Variants in ATP2B1 observed in about 807,000 individuals in gnomAD.
The protein encoded by ATP2B1 is ATPase plasma membrane Ca2+ transporting 1.
Under a neutral mutation model 124.2 loss-of-function variants are expected in ATP2B1, and 14 were observed. That is an observed-to-expected ratio of 0.11 (90% CI 0.07 to 0.18). The LOEUF is 0.18. Among genes scored for constraint, ATP2B1 ranks in the 10% least tolerant of loss-of-function variants. ATP2B1 has a pLI of 1.00. For missense variants in ATP2B1, 763 were observed against 1,466.1 expected, an observed-to-expected ratio of 0.52 and a Z score of 7.83; for synonymous variants, 449 against 492.4, an observed-to-expected ratio of 0.91 and a Z score of 1.17.
intron 20 of ATP2B1, among the ~76,000 whole-genome samples, chr12:89,597,826 A>G (rs557836518): frequency 1.3e-5 from 2 of 152,172 alleles, no homozygotes; most frequent in South Asian, 2.1e-4. Context: ...TTAGTCAATT[A>G]TTGAAAATTA....
intron 1 of ATP2B1, among the ~76,000 whole-genome samples, chr12:89,698,136 C>A (rs1053951107): frequency 4.6e-5 from 7 of 152,014 alleles, no homozygotes; most frequent in African/African-American, 1.7e-4. Flanking sequence ...TATCACCATT[C>A]TTCTTCCCAT....
At chr12:89,671,057 T>C (rs1887911367) in intron 1 of ATP2B1, among the ~76,000 whole-genome samples, 1 of 151,980 alleles carries the variant, frequency 6.6e-6, no homozygotes, top group Non-Finnish European at 1.5e-5. Flanking sequence ...TCATTATACA[T>C]TATATCAGGT....
At chr12:89,639,504 A>AAT (rs552054933) in intron 3 of ATP2B1, among the ~76,000 whole-genome samples, 4 of 151,312 alleles carry the variant, frequency 2.6e-5, no homozygotes, top group African/African-American at 9.7e-5. Context: ...ACTCTGTCTC[A>AAT]ATATATATAT....
chr12:89,612,985 G>T (rs770932964), intron 12 of ATP2B1, among the ~76,000 whole-genome samples: 2 of 151,858 alleles, frequency 1.3e-5, no homozygotes, highest in Admixed American at 1.3e-4. Flanking sequence ...TCCAGACAAG[G>T]TACTTTTTTT....
intron 12 of ATP2B1, among the ~76,000 whole-genome samples, chr12:89,615,836 G>A (rs1020869397): frequency 1.3e-5 from 2 of 151,966 alleles, no homozygotes; most frequent in African/African-American, 2.4e-5. Flanking sequence ...ATACATTCTC[G>A]ATTTTTTAAA....
At chr12:89,631,974 C>T (rs1259489919) in intron 5 of ATP2B1, among the ~76,000 whole-genome samples, 2 of 152,092 alleles carry the variant, frequency 1.3e-5, no homozygotes, top group African/African-American at 2.4e-5. Context: ...AGATTCAGTC[C>T]AGCTCTGTCA....
intron 18 of ATP2B1, among the ~76,000 whole-genome samples, chr12:89,601,935 T>C (rs1875932740): frequency 1.3e-5 from 2 of 152,170 alleles, no homozygotes; most frequent in Admixed American, 1.3e-4. Flanking sequence ...CATTTAGACA[T>C]ACTAAGATAA....
At chr12:89,640,300 A>G (rs752101882) in intron 3 of ATP2B1, among the ~76,000 whole-genome samples, 81 of 152,202 alleles carry the variant, frequency 5.3e-4, no homozygotes, top group Non-Finnish European at 1.0e-3. Flanking sequence ...ATTTAGCTCA[A>G]CAGTGACAAG....
chr12:89,659,749 C>T (rs1047622222), intron 1 of ATP2B1, among the ~76,000 whole-genome samples: 2 of 151,714 alleles, frequency 1.3e-5, no homozygotes, highest in Non-Finnish European at 2.9e-5. Context: ...GGTGAAACCC[C>T]GTCTCTACTA....
chr12:89,708,175 G>A (rs1469433689), intron 1 of ATP2B1, among the ~76,000 whole-genome samples: 3 of 152,250 alleles, frequency 2.0e-5, no homozygotes, highest in East Asian at 3.9e-4. Flanking sequence ...CCCGGGGCGC[G>A]GGGAGAGGGA....
At chr12:89,665,594 A>AC (rs1887219393) in intron 1 of ATP2B1, among the ~76,000 whole-genome samples, 1 of 152,248 alleles carries the variant, frequency 6.6e-6, no homozygotes, top group Non-Finnish European at 1.5e-5. Flanking sequence ...ATAAGAACAT[A>AC]CTATATCTCC....
chr12:89,696,233 A>T (rs1407755673), intron 1 of ATP2B1, among the ~76,000 whole-genome samples: 2 of 152,224 alleles, frequency 1.3e-5, no homozygotes, highest in South Asian at 4.1e-4. Flanking sequence ...CAGCAAGAAA[A>T]GACAGACTCC....
chr12:89,613,592 T>C (rs1878427512), intron 12 of ATP2B1, among the ~76,000 whole-genome samples: 1 of 152,212 alleles, frequency 6.6e-6, no homozygotes, highest in Admixed American at 6.5e-5. Flanking sequence ...TGTATATATC[T>C]CCTGTTATCT....
intron 2 of ATP2B1, among the ~76,000 whole-genome samples, chr12:89,643,093 T>C (rs12318371): frequency 0.049 from 5,358 of 110,010 alleles, 287 homozygotes; most frequent in African/African-American, 0.13. Flanking sequence ...CACACACACA[T>C]ATATACATAC....
intron 15 of ATP2B1, among the ~76,000 whole-genome samples, chr12:89,608,486 CTAAAT>C (rs1379094448): frequency 6.7e-6 from 1 of 150,216 alleles, no homozygotes; most frequent in African/African-American, 2.5e-5. Flanking sequence ...TGTTTTTGAA[CTAAAT>C]TTAGACTTTT....
intron 1 of ATP2B1, among the ~76,000 whole-genome samples, chr12:89,690,900 GA>G (rs1307815908): frequency 6.6e-5 from 10 of 152,194 alleles, no homozygotes; most frequent in African/African-American, 2.4e-4. Context: ...TCAATATTTA[GA>G]ATCAATAAGA....
upstream of ATP2B1, chr12:89,708,846 CGGCGGCGGCAGCGAAGGAGGAGGA>C (rs1434852606): frequency 1.3e-5 from 2 of 151,992 alleles, no homozygotes; most frequent in Admixed American, 6.6e-5. Flanking sequence ...TGCGAGGAGG[CGGCGGCGGCAGCGAAGGAGGAGGA>C]GGCGGCGCCC....
chr12:89,611,187 C>A lies in ATP2B1; in HGVS notation c.2247+6G>T, dbSNP rs1877944356. ...AACCAAAAACAAAATAATAATAAAT[C>A]TTTACCTCTCCTTTTTCATTTCGTA... On this transcript the variant is annotated splice_donor_region_variant and intron_variant, in intron 13 of 20. Coordinates refer to ENST00000428670, the MANE Select transcript of ATP2B1 (RefSeq NM_001366521.1). 6.3e-7 allele frequency: 1 copy of A among 1,576,228 alleles called. No individual in the cohort carries two copies. The highest frequency in any genetic ancestry group is 1.4e-5 in the African/African-American group (1 of 72,684).
rs182302782 is a variant in ATP2B1, at chr12:89,605,597, A to C, written c.2443-1251T>G. Reference sequence around the variant, plus strand: ...AATAAACTTTTATTGTTCATGAATTATTAAGTCTTAGATATTCTGTTATCA... The same window carrying C: ...AATAAACTTTTATTGTTCATGAATTCTTAAGTCTTAGATATTCTGTTATCA... On this transcript the variant is annotated intron_variant, in intron 15 of 20. Coordinates refer to ENST00000428670, the MANE Select transcript of ATP2B1 (RefSeq NM_001366521.1). 7.0e-4 allele frequency among the ~76,000 whole-genome samples: 107 copies of C among 152,326 alleles called. 4 individuals carry two copies. The East Asian group carries it at 0.012, about 17-fold the overall frequency.
Sources: allele counts gnomAD v4.1 joint callset (sites outside exome capture counted in the v4.1 genomes callset), GRCh38; gene constraint gnomAD v4.1.1; transcripts MANE v1.5; gene names NCBI Gene and HGNC (gene_info 2026-07-23, HGNC 2026-07-21).